The following SHD variants were observed in gnomAD, a reference collection of about 807,000 sequenced individuals.
SHD encodes the protein SH2 domain-containing adapter protein D.
Under a neutral mutation model 31.2 loss-of-function variants are expected in SHD, and 29 were observed. The observed-to-expected ratio is 0.93, with a 90% CI of 0.69 to 1.27. SHD has a LOEUF of 1.27. SHD is among the 50% of genes most tolerant of loss of function. SHD has a pLI of 0.00. For synonymous variants in SHD, 208 were observed against 187.8 expected (o/e 1.11, Z -0.88); for missense variants, 520 against 453.8 (o/e 1.15, Z -1.33).
intron 1 of SHD, among the ~76,000 whole-genome samples, chr19:4,282,111 CCA>C (rs1468485248): frequency 6.6e-6 from 1 of 152,072 alleles, no homozygotes; most frequent in Non-Finnish European, 1.5e-5. Flanking sequence ...GACTCCCTCT[CCA>C]ACCCCCAAAA....
intron 4 of SHD, among the ~76,000 whole-genome samples, chr19:4,287,927 CAG>C (rs1285915024): frequency 6.6e-6 from 1 of 151,790 alleles, no homozygotes; most frequent in African/African-American, 2.4e-5. Context: ...TGTTTTGAGA[CAG>C]AGTCTCACTC....
chr19:4,288,824 T>C (rs913992874), intron 5 of SHD, among the ~76,000 whole-genome samples: 2 of 152,090 alleles, frequency 1.3e-5, no homozygotes, highest in Non-Finnish European at 2.9e-5. Flanking sequence ...GCTAGGTGTC[T>C]GAGTGGAAGA....
chr19:4,286,225 T>TC (rs879876748), intron 4 of SHD, among the ~76,000 whole-genome samples: 3,656 of 98,804 alleles, frequency 0.037, 288 homozygotes, highest in African/African-American at 0.15. Flanking sequence ...TTTCTTTCTT[T>TC]CTTTCTTTTC....
chr19:4,279,889 C>T lies in SHD; in HGVS notation c.-175C>T. 1 of 746,862 alleles carries T rather than the reference C, an allele frequency of 1.3e-6. No individual in the cohort carries two copies. The highest frequency in any genetic ancestry group is 2.1e-6 in the Non-Finnish European group (1 of 471,762). 46.3% of individuals were successfully genotyped at this position (746,862 alleles called of 1,614,324 possible). A position where few individuals can be genotyped will look rare whatever the true frequency, so the allele number is the denominator to read the frequency against. On this transcript the variant is annotated 5_prime_UTR_variant, in exon 1 of 6. Coordinates refer to ENST00000543264, the MANE Select transcript of SHD (RefSeq NM_020209.4). The surrounding 1 kb of genome is among the most constrained non-coding windows in gnomAD (Gnocchi z 7.5). Reference sequence around the variant, plus strand: ...CCTCCTTTTCCTCCCCCTCGTTCACCTTTTCCTTCCCTCTATCCATCCAGA... The same window carrying T: ...CCTCCTTTTCCTCCCCCTCGTTCACTTTTTCCTTCCCTCTATCCATCCAGA...
At chr19:4,289,391 G>A (rs1386111756) in intron 5 of SHD, among the ~76,000 whole-genome samples, 2 of 151,088 alleles carry the variant, frequency 1.3e-5, no homozygotes, top group Non-Finnish European at 2.9e-5. Flanking sequence ...GATTACAGGT[G>A]TGAGCCGCCA....
chr19:4,281,612 A>G (rs1035601543), intron 1 of SHD, among the ~76,000 whole-genome samples: 1 of 151,796 alleles, frequency 6.6e-6, no homozygotes, highest in African/African-American at 2.4e-5. Context: ...GCAAAAATTA[A>G]CCAGGCGATG....
rs1400889823 is a variant in SHD, at chr19:4,283,201, C to T, written c.551C>T (p.Pro184Leu). Residue 184 changes from proline (P) to leucine (L), a missense_variant, in exon 3 of 6, where the codon CCC becomes CTC. Transcript: ENST00000543264. Reference sequence around the variant, plus strand: ...CGGCCAGCAGATGAGTATGATCAGCCCTGGGAGTGGAAGAAAGACCACATC... The same window carrying T: ...CGGCCAGCAGATGAGTATGATCAGCTCTGGGAGTGGAAGAAAGACCACATC... ...DERPADEYDQ[P>L]WEWKKDHISR... 6.2e-7 allele frequency: 1 copy of T among 1,614,026 alleles called. No homozygotes were observed. Among genetic ancestry groups the T allele is most frequent in the Non-Finnish European group, 8.5e-7 (1 of 1,179,964 alleles).
At chr19:4,288,450 G>C in intron 5 of SHD, 88 bp downstream of exon 5, 1 of 1,441,254 alleles carries the variant, frequency 6.9e-7, no homozygotes, top group South Asian at 1.4e-5. Flanking sequence ...GGAGGGTGTG[G>C]CTCCCGCAGC....
At position 4,286,259 on chromosome 19, in the gene SHD, CTCT is replaced by C. The variant is rs1415054429; in HGVS notation, c.716+1356_716+1358del. Among the ~76,000 whole-genome samples, 151 of 115,312 alleles carry C rather than the reference CTCT, an allele frequency of 1.3e-3. 1 individual carries two copies. The highest frequency in any genetic ancestry group is 3.0e-3 in the East Asian group (12 of 4,046). 75.6% of individuals were successfully genotyped at this position (115,312 alleles called of 152,430 possible). A position where few individuals can be genotyped will look rare whatever the true frequency, so the allele number is the denominator to read the frequency against. On this transcript the variant is annotated intron_variant, in intron 4 of 5. Transcript: ENST00000543264. ...TCTTTCTTTCTTTCTTTCTTTCTTTCTCTCTTTCTTTCTTTCTTTCTTTTTTTC... is the reference window on the plus strand; with the variant it reads ...TCTTTCTTTCTTTCTTTCTTTCTTTCCTTTCTTTCTTTCTTTCTTTTTTTC...
intron 4 of SHD, among the ~76,000 whole-genome samples, chr19:4,285,482 T>C (rs966246989): frequency 2.0e-5 from 3 of 152,114 alleles, no homozygotes; most frequent in Non-Finnish European, 4.4e-5. Context: ...ATCTCTTCGG[T>C]GGGCAATACA....
rs1019380749 is a variant in SHD at position 4,280,347 on chromosome 19, G to T, written c.284G>T (p.Gly95Val). Residue 95 changes from glycine to valine, a missense_variant, in exon 1 of 6, where the codon GGC (glycine) becomes GTC (valine). Physicochemically the swap from Gly to Val is moderately radical, Grantham distance 109 (BLOSUM62 -3). Coordinates refer to ENST00000543264, the MANE Select transcript of SHD (RefSeq NM_020209.4). The stretch of plus-strand genomic sequence containing the variant: ...GCCAGAGCCAAGGCCCTTCTGGGCG[G>T]CCCCGGGGAGGAGGTGCGTGGCTGG... Reference protein sequence around the residue: ...DMARAKALLGGPGEELEADTE... With the variant: ...DMARAKALLGVPGEELEADTE... 1 of 1,571,124 alleles carries T rather than the reference G, an allele frequency of 6.4e-7. No individual in the cohort carries two copies. Among genetic ancestry groups the T allele is most frequent in the Non-Finnish European group, 8.6e-7 (1 of 1,157,996 alleles).
intron 5 of SHD, 141 bp downstream of exon 5, chr19:4,288,503 G>T: frequency 2.2e-6 from 2 of 895,408 alleles, no homozygotes; most frequent in East Asian, 3.3e-5. Flanking sequence ...ACTTCTAGGA[G>T]AAGGGGTGGG....
intron 5 of SHD, among the ~76,000 whole-genome samples, chr19:4,290,158 G>A (rs1405043136): frequency 1.3e-5 from 2 of 152,134 alleles, no homozygotes; most frequent in African/African-American, 4.8e-5. Context: ...TTACAGGCGT[G>A]AGCCACCGCA....
chr19:4,285,517 C>G (rs1055920074), intron 4 of SHD, among the ~76,000 whole-genome samples: 1 of 152,030 alleles, frequency 6.6e-6, no homozygotes, highest in East Asian at 1.9e-4. Context: ...ACTCTGAGGC[C>G]GAGGGTGTGA....
intron 5 of SHD, 133 bp from the exon 6 acceptor site, chr19:4,290,314 C>T: frequency 1.1e-6 from 1 of 915,830 alleles, no homozygotes; most frequent in East Asian, 2.6e-5. Context: ...ATACCAGCCA[C>T]CACACTGCTG....
chr19:4,286,200 CTTTT>C (rs1971308352), intron 4 of SHD, among the ~76,000 whole-genome samples: 1 of 130,644 alleles, frequency 7.7e-6, no homozygotes, highest in Non-Finnish European at 1.6e-5. Flanking sequence ...CCCGCTCTTT[CTTTT>C]TCTTTCTTTC....
At chr19:4,287,795 A>C (rs574658132) in intron 4 of SHD, among the ~76,000 whole-genome samples, 2 of 152,172 alleles carry the variant, frequency 1.3e-5, no homozygotes, top group South Asian at 4.2e-4. Context: ...AAAAAAAAGA[A>C]AAAAGAAAAC....
chr19:4,288,266 G>A lies in SHD; in HGVS notation c.740G>A (p.Arg247Lys), dbSNP rs766740559. The change falls in exon 5 of 6, where the codon AGG becomes AAG. Residue 247 changes from arginine (R) to lysine (K), a missense_variant. Physicochemically the swap from Arg to Lys is conservative, Grantham distance 26 (BLOSUM62 2). Coordinates refer to ENST00000543264, the MANE Select transcript of SHD (RefSeq NM_020209.4). ...KQPWFHGPLN[R>K]ADAESLLSLC... ...AGGTGGTTTCATGGCCCCCTGAACA[G>A]GGCGGATGCAGAGAGCCTCCTGTCC... 3 of 1,613,790 alleles carry A rather than the reference G, an allele frequency of 1.9e-6. No individual in the cohort carries two copies. Among genetic ancestry groups the A allele is most frequent in the Non-Finnish European group, 2.5e-6 (3 of 1,179,844 alleles).
chr19:4,289,197 G>A (rs1971350704), intron 5 of SHD, among the ~76,000 whole-genome samples: 1 of 139,218 alleles, frequency 7.2e-6, no homozygotes, highest in Non-Finnish European at 1.5e-5. Flanking sequence ...TGCAAGCTCT[G>A]CCTCCCGGGT....
Sources: gnomAD v4.1 joint callset for allele counts (sites outside exome capture counted in the v4.1 genomes callset) on GRCh38, gnomAD v4.1.1 for gene constraint, Gnocchi (gnomAD v3.1) non-coding constraint, MANE v1.5 for transcripts, NCBI Gene and HGNC (gene_info 2026-07-23, HGNC 2026-07-21) for gene names.